B3GALT1: variants seen among roughly 807,000 people sequenced by gnomAD.
The protein encoded by B3GALT1 is beta-1,3-galactosyltransferase 1, also known as UDP-Gal:betaGlcNAc beta 1,3-galactosyltransferase, polypeptide 1.
A neutral mutation model predicts 23.2 loss-of-function variants in B3GALT1; 10 were observed. The ratio of observed to expected loss-of-function variants is 0.43; its 90% CI spans 0.27 to 0.73. B3GALT1 has a LOEUF of 0.73. B3GALT1 is among the 30% of genes least tolerant of loss of function. The pLI, the probability that B3GALT1 is intolerant of heterozygous loss-of-function variation, is 0.21. For missense variants in B3GALT1, 299 were observed against 405.4 expected (o/e 0.74, Z 2.25); for synonymous variants, 156 against 141.5 (o/e 1.10, Z -0.73).
intron 3 of B3GALT1, among the ~76,000 whole-genome samples, chr2:167,752,863 C>G (rs1267240987): frequency 1.3e-5 from 2 of 152,154 alleles, no homozygotes; most frequent in Non-Finnish European, 2.9e-5. Context: ...TGAGATAAAC[C>G]TGACTGAACT....
rs530869537 is a variant in B3GALT1 at position 167,554,703 on chromosome 2, A to AT, written c.-410+64432dup. 6.4e-3 allele frequency among the ~76,000 whole-genome samples: 972 copies of AT among 152,268 alleles called. 8 individuals carry two copies. Among genetic ancestry groups the AT allele is most frequent in the African/African-American group, 0.02 (829 of 41,562 alleles). ...ACTCATAGCACATCTTCCACAAAAG[A>AT]TTTTTTGCCTATTTGCCTGAAGATT... is the stretch of plus-strand genomic sequence containing the variant. On this transcript the variant is annotated intron_variant, in intron 2 of 4. Coordinates refer to ENST00000392690, the MANE Select transcript of B3GALT1 (RefSeq NM_020981.4).
At chr2:167,303,489 T>A (rs1348048444) in intron 1 of B3GALT1, among the ~76,000 whole-genome samples, 1 of 152,020 alleles carries the variant, frequency 6.6e-6, no homozygotes, top group African/African-American at 2.4e-5. Context: ...CTGGAAGAGA[T>A]TAGCATTTAA....
At chr2:167,327,593 ATTTG>A (rs1696914665) in intron 1 of B3GALT1, among the ~76,000 whole-genome samples, 2 of 151,228 alleles carry the variant, frequency 1.3e-5, no homozygotes, top group Admixed American at 6.6e-5. Context: ...ACTTAACTGA[ATTTG>A]TTTATCAACT....
At position 167,398,057 on chromosome 2, in the gene B3GALT1, G is replaced by A. The variant is rs575843833; in HGVS notation, c.-510-92120G>A. 2.6e-5 allele frequency among the ~76,000 whole-genome samples: 4 copies of A among 152,258 alleles called. No homozygotes were observed. The East Asian group carries it at 7.7e-4, about 29-fold the overall frequency. On this transcript the variant is annotated intron_variant, in intron 1 of 4. Coordinates refer to ENST00000392690, the MANE Select transcript of B3GALT1 (RefSeq NM_020981.4). ...TTGTTACCGTACAAAATAATAGCATGAAACATTTTTATATGCCCCTGAATT... is the reference window on the plus strand; with the variant it reads ...TTGTTACCGTACAAAATAATAGCATAAAACATTTTTATATGCCCCTGAATT...
At chr2:167,692,433 A>G (rs752042864) in intron 3 of B3GALT1, among the ~76,000 whole-genome samples, 10 of 152,072 alleles carry the variant, frequency 6.6e-5, no homozygotes, top group Non-Finnish European at 5.9e-5. Context: ...ATCATATCCC[A>G]TATGGCATAA....
chr2:167,825,488 TTA>T (rs199789772), intron 4 of B3GALT1, among the ~76,000 whole-genome samples: 4 of 146,238 alleles, frequency 2.7e-5, no homozygotes, highest in Admixed American at 1.4e-4. Context: ...TATATATAAA[TTA>T]TATATATATA....
rs890292944 is a variant in B3GALT1 at position 167,812,319 on chromosome 2, G to T, written c.-351-6353G>T. Among the ~76,000 whole-genome samples, 23 of 152,150 alleles carry T rather than the reference G, an allele frequency of 1.5e-4. 1 individual carries two copies. Among genetic ancestry groups the T allele is most frequent in the African/African-American group, 5.3e-4 (22 of 41,452 alleles). On this transcript the variant is annotated intron_variant, in intron 3 of 4. Coordinates refer to ENST00000392690, the MANE Select transcript of B3GALT1 (RefSeq NM_020981.4). ...CAAAATTTGTTTGTACATACGCCCT[G>T]GAATGGACTTAATTTTAAGAACTAG...
At chr2:167,357,666 A>G (rs1038282167) in intron 1 of B3GALT1, among the ~76,000 whole-genome samples, 5 of 152,286 alleles carry the variant, frequency 3.3e-5, no homozygotes, top group African/African-American at 1.2e-4. Flanking sequence ...CAGGTTCACT[A>G]TTCATTTCTG....
chr2:167,716,065 T>C (rs1393378900), intron 3 of B3GALT1: 18 of 1,578,964 alleles, frequency 1.1e-5, no homozygotes, highest in Admixed American at 3.4e-5. Flanking sequence ...GGCTCCTCCA[T>C]AGCGCCAAGC....
At chr2:167,422,330 G>A (rs970775009) in intron 1 of B3GALT1, among the ~76,000 whole-genome samples, 1 of 151,844 alleles carries the variant, frequency 6.6e-6, no homozygotes, top group Non-Finnish European at 1.5e-5. Flanking sequence ...CTTGGGAACT[G>A]AATCTACTGG....
At chr2:167,323,915 T>G (rs943529468) in intron 1 of B3GALT1, among the ~76,000 whole-genome samples, 1 of 152,088 alleles carries the variant, frequency 6.6e-6, no homozygotes, top group Non-Finnish European at 1.5e-5. Context: ...TCCAAAGTTA[T>G]GCTTTTTGAG....
chr2:167,305,034 A>T (rs1696528215), intron 1 of B3GALT1, among the ~76,000 whole-genome samples: 1 of 152,096 alleles, frequency 6.6e-6, no homozygotes, highest in Admixed American at 6.6e-5. Flanking sequence ...GTTAGTGAAG[A>T]TGATCTTTGT....
chr2:167,305,936 G>A (rs1237840443), intron 1 of B3GALT1, among the ~76,000 whole-genome samples: 2 of 152,090 alleles, frequency 1.3e-5, no homozygotes, highest in Admixed American at 1.3e-4. Flanking sequence ...CATGTTCTGT[G>A]TTGGCAAGTA....
At chr2:167,613,159 A>C (rs571289055) in intron 2 of B3GALT1, among the ~76,000 whole-genome samples, 130 of 152,094 alleles carry the variant, frequency 8.5e-4, no homozygotes, top group Non-Finnish European at 1.2e-3. Context: ...TCACATGCTC[A>C]GCATTGCAGT....
chr2:167,482,170 G>T (rs1699570579), intron 1 of B3GALT1, among the ~76,000 whole-genome samples: 1 of 152,056 alleles, frequency 6.6e-6, no homozygotes, highest in Admixed American at 6.6e-5. Context: ...TCTCCTCACA[G>T]TTCTTGGTTA....
chr2:167,546,193 G>A (rs1231288129), intron 2 of B3GALT1, among the ~76,000 whole-genome samples: 1 of 152,166 alleles, frequency 6.6e-6, no homozygotes, highest in Non-Finnish European at 1.5e-5. Context: ...GGATACAAAT[G>A]CAGAGCTTCC....
intron 4 of B3GALT1, among the ~76,000 whole-genome samples, chr2:167,841,283 G>C (rs12476221): frequency 0.33 from 50,275 of 151,260 alleles, 8,903 homozygotes; most frequent in East Asian, 0.61. Flanking sequence ...TCCTGCCCCA[G>C]GGTGTTAGAG....
At position 167,441,872 on chromosome 2, in the gene B3GALT1, T is replaced by A. The variant is rs969540623; in HGVS notation, c.-510-48305T>A. Among the ~76,000 whole-genome samples the A allele has an allele frequency of 4.8e-5, 7 of 146,694 alleles. No individual in the cohort carries two copies. The East Asian group carries it at 7.8e-4, about 16-fold the overall frequency. ...GCAAGATCCCATGTTTTTTTTTTTT[T>A]AATTTAATTTATTTTTTTTATTATA... On this transcript the variant is annotated intron_variant, in intron 1 of 4. Transcript: ENST00000392690.
At chr2:167,690,251 ATAAACATTATAAAACATCAAGTAAAAGT>A (rs1425305961) in intron 3 of B3GALT1, among the ~76,000 whole-genome samples, 4 of 152,064 alleles carry the variant, frequency 2.6e-5, no homozygotes, top group Non-Finnish European at 5.9e-5. Flanking sequence ...ATGAACATTT[ATAAACATTATAAAACATCAAGTAAAAGT>A]TAACTATAAA....
Sources: allele counts gnomAD v4.1 joint callset (sites outside exome capture counted in the v4.1 genomes callset), GRCh38; gene constraint gnomAD v4.1.1; transcripts MANE v1.5; gene names NCBI Gene and HGNC (gene_info 2026-07-23, HGNC 2026-07-21).